Variants in SEMA3D observed in about 807,000 individuals in gnomAD.
SEMA3D encodes semaphorin 3D.
SEMA3D carries 84 observed loss-of-function variants against 100.1 expected under a neutral mutation model. That is an observed-to-expected ratio of 0.84 (90% confidence interval 0.70 to 1.01). The LOEUF is 1.01. SEMA3D is among the 50% of genes least tolerant of loss of function. SEMA3D has a pLI of 0.00. For missense variants in SEMA3D, 875 were observed against 934.1 expected (o/e 0.94, Z 0.82); for synonymous variants, 312 against 320.7 (o/e 0.97, Z 0.29).
At chr7:85,076,265 A>G (rs1791918525) in intron 5 of SEMA3D, among the ~76,000 whole-genome samples, 1 of 152,182 alleles carries the variant, frequency 6.6e-6, no homozygotes, top group South Asian at 2.1e-4. Context: ...AAAAGGGAAG[A>G]GGGGGAGAAG....
intron 2 of SEMA3D, among the ~76,000 whole-genome samples, chr7:85,124,137 C>A (rs1399801926): frequency 1.3e-5 from 2 of 151,978 alleles, no homozygotes; most frequent in East Asian, 3.8e-4. Flanking sequence ...GTCACTTTAA[C>A]TGATCTACAG....
At chr7:85,058,946 A>G (rs1791401723) in intron 8 of SEMA3D, among the ~76,000 whole-genome samples, 1 of 152,144 alleles carries the variant, frequency 6.6e-6, no homozygotes, top group Non-Finnish European at 1.5e-5. Flanking sequence ...CTCTATATCA[A>G]ACCAAGTATG....
intron 1 of SEMA3D, among the ~76,000 whole-genome samples, chr7:85,180,331 CTATGAT>C (rs1319235430): frequency 2.0e-5 from 3 of 152,152 alleles, no homozygotes; most frequent in Non-Finnish European, 4.4e-5. Context: ...TCCCCTTCCA[CTATGAT>C]TATAAGTTTC....
chr7:85,049,593 C>T (rs1791104180), intron 9 of SEMA3D, among the ~76,000 whole-genome samples: 1 of 151,548 alleles, frequency 6.6e-6, no homozygotes, highest in South Asian at 2.1e-4. Flanking sequence ...GAAGCAAAAG[C>T]ACATCTGTAA....
intron 3 of SEMA3D, among the ~76,000 whole-genome samples, chr7:85,107,114 A>G (rs1788949683): frequency 6.6e-6 from 1 of 152,058 alleles, no homozygotes; most frequent in Non-Finnish European, 1.5e-5. Context: ...GAATATATAT[A>G]TGTGTGTGTA....
At chr7:85,098,404 G>T (rs61366891) in intron 3 of SEMA3D, among the ~76,000 whole-genome samples, 1 of 151,678 alleles carries the variant, frequency 6.6e-6, no homozygotes, top group African/African-American at 2.4e-5. Flanking sequence ...ATCATTTAAA[G>T]CATCTATATA....
chr7:85,049,466 ATGTTAAGCAGTCC>A (rs2082457282), intron 9 of SEMA3D, among the ~76,000 whole-genome samples: 2 of 151,888 alleles, frequency 1.3e-5, no homozygotes, highest in African/African-American at 4.8e-5. Context: ...AAATCTAGGA[ATGTTAAGCAGTCC>A]TTTTCAGGTA....
At chr7:85,155,712 CTAA>C (rs1287168319) in intron 1 of SEMA3D, among the ~76,000 whole-genome samples, 2 of 152,064 alleles carry the variant, frequency 1.3e-5, no homozygotes, top group Non-Finnish European at 2.9e-5. Flanking sequence ...ATATTTATTT[CTAA>C]TGAGGGTTAG....
chr7:85,002,341 A>AT (rs1351139092), intron 18 of SEMA3D, among the ~76,000 whole-genome samples: 2 of 152,082 alleles, frequency 1.3e-5, no homozygotes, highest in Non-Finnish European at 2.9e-5. Context: ...TTTAACTATT[A>AT]TTTTTCTTGC....
At chr7:85,243,957 G>C in the SEMA3D span, among the ~76,000 whole-genome samples, 3 of 152,122 alleles carry the variant, frequency 2.0e-5, no homozygotes, top group African/African-American at 7.2e-5. Flanking sequence ...GGTATGTTAT[G>C]GGGATGTGAT....
At chr7:85,215,327 G>A in the SEMA3D span, among the ~76,000 whole-genome samples, 3 of 151,912 alleles carry the variant, frequency 2.0e-5, no homozygotes, top group African/African-American at 7.3e-5. Context: ...TGTTATTGTT[G>A]TTCTCATATT....
At chr7:85,243,337 A>G in the SEMA3D span, among the ~76,000 whole-genome samples, 1 of 152,256 alleles carries the variant, frequency 6.6e-6, no homozygotes, top group South Asian at 2.1e-4. Context: ...AAAGTTCACA[A>G]AAGTGTAGGG....
intron 11 of SEMA3D, among the ~76,000 whole-genome samples, chr7:85,039,724 A>T (rs1242441237): frequency 6.6e-6 from 1 of 152,164 alleles, no homozygotes; most frequent in African/African-American, 2.4e-5. Context: ...CAAGTGATGA[A>T]AACATTCTTT....
intron 3 of SEMA3D, among the ~76,000 whole-genome samples, chr7:85,119,017 A>G (rs1246594654): frequency 1.3e-5 from 2 of 152,188 alleles, no homozygotes; most frequent in East Asian, 3.9e-4. Context: ...AAAAAACTCA[A>G]CATCATTGAT....
At chr7:85,215,131 T>G in the SEMA3D span, among the ~76,000 whole-genome samples, 1 of 151,390 alleles carries the variant, frequency 6.6e-6, no homozygotes, top group African/African-American at 2.4e-5. Context: ...TTTTTTTTTT[T>G]TCATAAAAGC....
chr7:85,167,289 A>G (rs1177585024), intron 1 of SEMA3D: 2 of 984,936 alleles, frequency 2.0e-6, no homozygotes, highest in Non-Finnish European at 1.2e-6. Flanking sequence ...AAGTGAGGCC[A>G]AGAGTATCTG....
chr7:85,010,169 G>A (rs982186495), intron 17 of SEMA3D, among the ~76,000 whole-genome samples: 1 of 151,702 alleles, frequency 6.6e-6, no homozygotes, highest in Non-Finnish European at 1.5e-5. Context: ...ACATAAGGCA[G>A]CAACCCATTG....
At chr7:85,164,713 C>G (rs1209056521) in intron 1 of SEMA3D, among the ~76,000 whole-genome samples, 1 of 152,048 alleles carries the variant, frequency 6.6e-6, no homozygotes, top group African/African-American at 2.4e-5. Context: ...TTGTATAATA[C>G]ATTTTATATA....
chr7:85,028,421 A>AT, intron 12 of SEMA3D: 1 of 447,382 alleles, frequency 2.2e-6, no homozygotes. Context: ...GCTGAAAGAA[A>AT]TGTGCTAATC....
Sources: allele counts gnomAD v4.1 joint callset (sites outside exome capture counted in the v4.1 genomes callset), GRCh38; gene constraint gnomAD v4.1.1; transcripts MANE v1.5; gene names NCBI Gene and HGNC (gene_info 2026-07-23, HGNC 2026-07-21).